FGF14: variants seen among roughly 807,000 people sequenced by gnomAD.
FGF14 encodes the protein fibroblast growth factor 14, also known as fibroblast growth factor homologous factor 4.
A neutral mutation model predicts 25.5 loss-of-function variants in FGF14; 5 were observed. The observed-to-expected ratio is 0.20, with a 90% CI of 0.10 to 0.41. The LOEUF (loss-of-function observed/expected upper bound fraction) is 0.41. Ranked by LOEUF, FGF14 falls within the 10% of genes least tolerant of loss-of-function variation. The pLI is 1.00. For missense variants in FGF14, 222 were observed against 320.1 expected (o/e 0.69, Z 2.34); for synonymous variants, 138 against 118.3 (o/e 1.17, Z -1.08).
chr13:101,939,854 C>T (rs1283991253), intron 1 of FGF14, among the ~76,000 whole-genome samples: 2 of 151,954 alleles, frequency 1.3e-5, no homozygotes, highest in Non-Finnish European at 2.9e-5. Context: ...AAATGGCATG[C>T]TTTAGAAAGA....
At chr13:102,212,634 A>G (rs537932792) in intron 1 of FGF14, among the ~76,000 whole-genome samples, 3 of 152,216 alleles carry the variant, frequency 2.0e-5, no homozygotes, top group Admixed American at 6.5e-5. Context: ...CTTTGGAAAT[A>G]TGCATTGAAT....
chr13:102,101,555 G>A (rs1414592615), intron 1 of FGF14, among the ~76,000 whole-genome samples: 1 of 152,172 alleles, frequency 6.6e-6, no homozygotes, highest in East Asian at 1.9e-4. Context: ...GCAATAAAGT[G>A]TACCCATTCT....
chr13:101,835,273 AAG>A (rs1449430426), intron 3 of FGF14, among the ~76,000 whole-genome samples: 3 of 151,786 alleles, frequency 2.0e-5, no homozygotes, highest in East Asian at 1.9e-4. Context: ...GAGAGAGGGA[AAG>A]AGAGAGATTG....
intron 1 of FGF14, among the ~76,000 whole-genome samples, chr13:102,075,555 T>TA (rs1279479824): frequency 3.6e-4 from 55 of 152,334 alleles, no homozygotes; most frequent in African/African-American, 1.2e-3. Flanking sequence ...TAATAGTTGA[T>TA]AATTATAAAA....
chr13:101,995,847 G>T (rs2039150737), intron 1 of FGF14, among the ~76,000 whole-genome samples: 1 of 152,142 alleles, frequency 6.6e-6, no homozygotes, highest in African/African-American at 2.4e-5. Flanking sequence ...AAGAATTGTT[G>T]TGAGAAGCTG....
chr13:102,155,078 C>T (rs1253122301), intron 1 of FGF14, among the ~76,000 whole-genome samples: 3 of 152,036 alleles, frequency 2.0e-5, no homozygotes, highest in Non-Finnish European at 4.4e-5. Context: ...ACTTTAACAC[C>T]CCACTGTCAA....
chr13:101,982,420 G>A (rs557253806), intron 1 of FGF14, among the ~76,000 whole-genome samples: 19 of 152,286 alleles, frequency 1.2e-4, no homozygotes, highest in African/African-American at 4.1e-4. Context: ...ATGCTGCAGA[G>A]TAAGAATTAC....
At chr13:101,991,271 T>C (rs998474401) in intron 1 of FGF14, among the ~76,000 whole-genome samples, 6 of 152,166 alleles carry the variant, frequency 3.9e-5, no homozygotes, top group African/African-American at 1.4e-4. Flanking sequence ...TTCTTGAATT[T>C]ATTTTTCAAT....
chr13:102,007,596 T>C (rs1424174870), intron 1 of FGF14, among the ~76,000 whole-genome samples: 4 of 152,174 alleles, frequency 2.6e-5, no homozygotes, highest in Admixed American at 6.5e-5. Flanking sequence ...GGTGGTGACA[T>C]TCAGGGACTC....
chr13:101,726,385 G>C (rs1467223048), intron 4 of FGF14, among the ~76,000 whole-genome samples: 1 of 151,882 alleles, frequency 6.6e-6, no homozygotes, highest in African/African-American at 2.4e-5. Context: ...TGGCAGAGAA[G>C]AAATTTTTCC....
chr13:101,885,711 A>T (rs912060071), intron 1 of FGF14, among the ~76,000 whole-genome samples: 1 of 151,936 alleles, frequency 6.6e-6, no homozygotes, highest in Non-Finnish European at 1.5e-5. Flanking sequence ...GAAAAAAAAA[A>T]AAAAAACTGC....
intron 1 of FGF14, among the ~76,000 whole-genome samples, chr13:102,078,575 A>G (rs16959690): frequency 0.042 from 6,392 of 152,278 alleles, 432 homozygotes; most frequent in African/African-American, 0.14. Flanking sequence ...ATCTAGCCCA[A>G]TGAAGCAGGT....
chr13:102,060,823 G>A (rs1431948090), intron 1 of FGF14, among the ~76,000 whole-genome samples: 2 of 152,064 alleles, frequency 1.3e-5, no homozygotes, highest in African/African-American at 4.8e-5. Context: ...CCCAAATGTT[G>A]CATTTTCCAA....
intron 3 of FGF14, among the ~76,000 whole-genome samples, chr13:101,752,129 T>C (rs907658575): frequency 3.3e-5 from 5 of 152,218 alleles, no homozygotes; most frequent in Non-Finnish European, 5.9e-5. Flanking sequence ...TATTTCACTT[T>C]TAATTATCAC....
chr13:101,914,224 T>C (rs2033243316), intron 1 of FGF14, among the ~76,000 whole-genome samples: 2 of 151,058 alleles, frequency 1.3e-5, no homozygotes, highest in South Asian at 4.1e-4. Context: ...TATATAATAA[T>C]ATAAAAGCAT....
At chr13:101,808,316 TTTC>T (rs2041314335) in intron 3 of FGF14, among the ~76,000 whole-genome samples, 1 of 152,070 alleles carries the variant, frequency 6.6e-6, no homozygotes, top group Non-Finnish European at 1.5e-5. Flanking sequence ...CTTTTCATCT[TTTC>T]TTTTCTTTCT....
intron 1 of FGF14, among the ~76,000 whole-genome samples, chr13:102,119,867 C>G (rs910444350): frequency 1.3e-5 from 2 of 152,168 alleles, no homozygotes; most frequent in Non-Finnish European, 2.9e-5. Context: ...GTACAGAGAG[C>G]AGGATCCACC....
At chr13:102,110,477 A>C (rs2045166283) in intron 1 of FGF14, among the ~76,000 whole-genome samples, 1 of 152,264 alleles carries the variant, frequency 6.6e-6, no homozygotes, top group South Asian at 2.1e-4. Flanking sequence ...TTTGTAAGGA[A>C]CGTTTTACTG....
chr13:102,130,289 GTTCT>G (rs1285882491), intron 1 of FGF14, among the ~76,000 whole-genome samples: 2 of 152,176 alleles, frequency 1.3e-5, no homozygotes, highest in African/African-American at 4.8e-5. Context: ...GCAGGGCTGT[GTTCT>G]TTCTGGTGGC....
Sources: gnomAD v4.1 joint callset for allele counts (sites outside exome capture counted in the v4.1 genomes callset) on GRCh38, gnomAD v4.1.1 for gene constraint, MANE v1.5 for transcripts, NCBI Gene and HGNC (gene_info 2026-07-23, HGNC 2026-07-21) for gene names.